The following QSER1 variants were observed in gnomAD, a reference collection of about 807,000 sequenced individuals.
QSER1 encodes the protein glutamine and serine-rich protein 1.
A neutral mutation model predicts 158.5 loss-of-function variants in QSER1; 49 were observed. The observed-to-expected ratio is 0.31, with a 90% CI of 0.25 to 0.39. The LOEUF is 0.39. Among genes scored for constraint, QSER1 ranks in the 10% least tolerant of loss-of-function variants. QSER1 has a pLI of 1.00. For synonymous variants in QSER1, 650 were observed against 715.5 expected (o/e 0.91, Z 1.46); for missense variants, 1,754 against 2,010.3 (o/e 0.87, Z 2.44).
chr11:32,952,803 CTT>C (rs540825544), intron 4 of QSER1, among the ~76,000 whole-genome samples: 8 of 121,336 alleles, frequency 6.6e-5, no homozygotes, highest in Admixed American at 1.7e-4. Flanking sequence ...CTTCCCAAGT[CTT>C]TTTTTTTTTT....
In QSER1 at chr11:32,980,015, TG is replaced by T. The variant is rs1374729196; in HGVS notation, c.*3542del. On this transcript the variant is annotated 3_prime_UTR_variant, in exon 13 of 13. Coordinates refer to ENST00000650167, the MANE Select transcript of QSER1 (RefSeq NM_001076786.3). The stretch of plus-strand genomic sequence containing the variant: ...GACGCATAACTGCACAAATGAACAG[TG>T]TATACTCTTGGTTGTGCATTAACTT... 1 of 152,584 alleles carries T rather than the reference TG, an allele frequency of 6.6e-6. No homozygotes were observed. Among genetic ancestry groups the T allele is most frequent in the East Asian group, 1.9e-4 (1 of 5,200 alleles). 9.5% of individuals were successfully genotyped at this position (152,584 alleles called of 1,614,324 possible).
At chr11:32,947,493 T>C (rs974086693) in intron 4 of QSER1, among the ~76,000 whole-genome samples, 2 of 152,182 alleles carry the variant, frequency 1.3e-5, no homozygotes, top group African/African-American at 2.4e-5. Context: ...GTGTATATTT[T>C]GGAGATAAAT....
At position 32,976,682 on chromosome 11, in the gene QSER1, T is replaced by C; in HGVS notation, c.*208T>C. ...AAATGGACCTAAATCCCACCACATT[T>C]TTACCCTAATGAATGATTTTTCTAT... On this transcript the variant is annotated 3_prime_UTR_variant, in exon 13 of 13. Transcript: ENST00000650167. 2.1e-6 allele frequency: 1 copy of C among 487,508 alleles called. No individual in the cohort carries two copies. Among genetic ancestry groups the C allele is most frequent in the Non-Finnish European group, 3.6e-6 (1 of 276,306 alleles). The allele number at this position is 487,508 out of a possible 1,614,324, so 30.2% of individuals were successfully genotyped here. A position where few individuals can be genotyped will look rare whatever the true frequency, so the allele number is the denominator to read the frequency against.
chr11:32,957,150 TC>T (rs1221852362), intron 7 of QSER1, among the ~76,000 whole-genome samples: 105 of 147,516 alleles, frequency 7.1e-4, no homozygotes, highest in African/African-American at 2.4e-3. Flanking sequence ...TTTTTTTTTT[TC>T]TTTTTTTTGA....
rs1851517144 is a variant in QSER1 at position 32,893,755 on chromosome 11, G to A, written c.209+421G>A. On this transcript the variant is annotated intron_variant, in intron 1 of 12. Coordinates refer to ENST00000650167, the MANE Select transcript of QSER1 (RefSeq NM_001076786.3). The surrounding 1 kb of genome is among the most constrained non-coding windows in gnomAD (Gnocchi z 4.7). Reference sequence around the variant, plus strand: ...TGGGTGGCCGACAATGCGGTCTTGGGGACTCCGGCGTGTGAGGGTTGCGGA... The same window carrying A: ...TGGGTGGCCGACAATGCGGTCTTGGAGACTCCGGCGTGTGAGGGTTGCGGA... Among the ~76,000 whole-genome samples the A allele has an allele frequency of 6.6e-6, 1 of 152,170 alleles. No individual in the cohort carries two copies. Among genetic ancestry groups the A allele is most frequent in the African/African-American group, 2.4e-5 (1 of 41,448 alleles).
At chr11:32,949,941 G>T (rs1852395105) in intron 4 of QSER1, among the ~76,000 whole-genome samples, 1 of 152,128 alleles carries the variant, frequency 6.6e-6, no homozygotes, top group Admixed American at 6.5e-5. Flanking sequence ...GTCTGGATTT[G>T]CCTCAGGCCC....
At chr11:32,943,240 A>G (rs1329208515) in intron 4 of QSER1, among the ~76,000 whole-genome samples, 1 of 151,306 alleles carries the variant, frequency 6.6e-6, no homozygotes, top group Non-Finnish European at 1.5e-5. Context: ...TCTCCTGCCT[A>G]ATTGCCCTGG....
chr11:32,921,240 T>A (rs1287779110), intron 1 of QSER1, among the ~76,000 whole-genome samples: 1 of 152,192 alleles, frequency 6.6e-6, no homozygotes, highest in Non-Finnish European at 1.5e-5. Flanking sequence ...AAGAAGCCAG[T>A]CATAAAAGGC....
chr11:32,925,652 A>G (rs1276631750), intron 1 of QSER1, among the ~76,000 whole-genome samples: 2 of 151,782 alleles, frequency 1.3e-5, no homozygotes, highest in African/African-American at 4.8e-5. Flanking sequence ...CTCAACCTCC[A>G]GAGTAGCTGA....
At chr11:32,975,049 C>T (rs990594057) in intron 11 of QSER1, among the ~76,000 whole-genome samples, 199 bp from the exon 12 acceptor site, 2 of 151,890 alleles carry the variant, frequency 1.3e-5, no homozygotes, top group African/African-American at 4.8e-5. Context: ...TATTTATATG[C>T]AGGATAAAGA....
rs745543763 is a variant in QSER1 at position 32,894,351 on chromosome 11, C to T, written c.209+1017C>T. Among the ~76,000 whole-genome samples, 45 of 152,280 alleles carry T rather than the reference C, an allele frequency of 3.0e-4. 1 individual carries two copies. The highest frequency in any genetic ancestry group is 3.4e-3 in the Middle Eastern group (1 of 294). On this transcript the variant is annotated intron_variant, in intron 1 of 12. Coordinates refer to ENST00000650167, the MANE Select transcript of QSER1 (RefSeq NM_001076786.3). The stretch of plus-strand genomic sequence containing the variant: ...GGTGAGCGGGGTGTTTTAAAGCCAC[C>T]TCTCCCGAACAATACAGAATCTGGT...
At position 32,961,518 on chromosome 11, in the gene QSER1, T is replaced by G. The variant is rs531100473; in HGVS notation, c.4969+3432T>G. Among the ~76,000 whole-genome samples, 40 of 152,330 alleles carry G rather than the reference T, an allele frequency of 2.6e-4. No homozygotes were observed. In the South Asian group the frequency reaches 7.7e-3, roughly 29 times the overall value. ...TTTTAACCATTTTTAAGTGTACAAT[T>G]TATTAGCATTATTTACATTCACACT... is the stretch of plus-strand genomic sequence containing the variant. On this transcript the variant is annotated intron_variant, in intron 8 of 12. Transcript: ENST00000650167.
At chr11:32,964,717 C>CAT (rs375985842) in intron 8 of QSER1, among the ~76,000 whole-genome samples, 14,259 of 63,742 alleles carry the variant, frequency 0.22, 1,890 homozygotes, top group East Asian at 0.48. Context: ...AAAAAAACAC[C>CAT]ATATATATAT....
chr11:32,928,254 A>G (rs1377927399), intron 3 of QSER1, 131 bp downstream of exon 3: 3 of 611,458 alleles, frequency 4.9e-6, no homozygotes, highest in Non-Finnish European at 8.5e-6. Flanking sequence ...AAGACCTGGA[A>G]TTTTTCAAAA....
At position 32,958,048 on chromosome 11, in the gene QSER1, C is replaced by T; in HGVS notation, c.4931C>T (p.Ser1644Leu). ...KEEFSSSQSDSSPEIHTSSSD... is the reference protein window; with the variant it reads ...KEEFSSSQSDLSPEIHTSSSD... Reference sequence around the variant, plus strand: ...GAATTTTCATCATCCCAATCTGACTCATCTCCTGAGATCCATACTAGTAGT... The same window carrying T: ...GAATTTTCATCATCCCAATCTGACTTATCTCCTGAGATCCATACTAGTAGT... The change falls in exon 8 of 13, where the codon TCA becomes TTA. Residue 1644 changes from serine (S) to leucine (L), a missense_variant. Physicochemically the swap from Ser to Leu is moderately radical, Grantham distance 145. Transcript: ENST00000650167. The T allele has an allele frequency of 2.5e-6, 4 of 1,614,142 alleles. No individual in the cohort carries two copies. Among genetic ancestry groups the T allele is most frequent in the South Asian group, 1.1e-5 (1 of 91,084 alleles).
intron 1 of QSER1, among the ~76,000 whole-genome samples, chr11:32,912,843 G>C (rs1257667082): frequency 6.6e-6 from 1 of 152,044 alleles, no homozygotes; most frequent in African/African-American, 2.4e-5. Context: ...AGCCTGGAAG[G>C]TCACACCTAG....
rs755680015 is a variant in QSER1, at chr11:32,976,324, C to CT, written c.5455-3dup. On this transcript the variant is annotated splice_polypyrimidine_tract_variant and intron_variant, in intron 12 of 12. Coordinates refer to ENST00000650167, the MANE Select transcript of QSER1 (RefSeq NM_001076786.3). ...AAGTATAAGCTAATTTGGCGATTTT[C>CT]TTTTTTTAGATTTCTTCGGTGCAGA... 2.5e-6 allele frequency: 4 copies of CT among 1,575,160 alleles called. No individual in the cohort carries two copies. Among genetic ancestry groups the CT allele is most frequent in the Non-Finnish European group, 1.7e-6 (2 of 1,167,892 alleles).
chr11:32,943,938 T>C (rs1371920830), intron 4 of QSER1, among the ~76,000 whole-genome samples: 2 of 150,780 alleles, frequency 1.3e-5, no homozygotes, highest in Admixed American at 6.6e-5. Context: ...ATTCAGAGAT[T>C]CAACTTCTTC....
At chr11:32,970,585 A>C (rs1852833412) in intron 10 of QSER1, among the ~76,000 whole-genome samples, 1 of 152,036 alleles carries the variant, frequency 6.6e-6, no homozygotes, top group Non-Finnish European at 1.5e-5. Context: ...TTGTGTTTTC[A>C]GTAGAGACAG....
Sources: gnomAD v4.1 joint callset for allele counts (sites outside exome capture counted in the v4.1 genomes callset) on GRCh38, gnomAD v4.1.1 for gene constraint, Gnocchi (gnomAD v3.1) non-coding constraint, MANE v1.5 for transcripts, NCBI Gene and HGNC (gene_info 2026-07-23, HGNC 2026-07-21) for gene names.